ARHGAP28: variants seen among roughly 807,000 people sequenced by gnomAD.
The protein encoded by ARHGAP28 is rho GTPase-activating protein 28.
A neutral mutation model predicts 90.7 loss-of-function variants in ARHGAP28; 56 were observed. The ratio of observed to expected loss-of-function variants is 0.62; its 90% confidence interval spans 0.50 to 0.77. The LOEUF (loss-of-function observed/expected upper bound fraction) is 0.77, where lower values mean the gene tolerates loss of function less well. Ranked by LOEUF, ARHGAP28 falls within the 30% of genes least tolerant of loss-of-function variation. ARHGAP28 has a pLI of 0.00. For missense variants in ARHGAP28, 869 were observed against 900.9 expected, an observed-to-expected ratio of 0.96 and a Z score of 0.45; for synonymous variants, 308 against 323.3, an observed-to-expected ratio of 0.95 and a Z score of 0.51.
chr18:6,868,655 C>T (rs2057057259), intron 6 of ARHGAP28, among the ~76,000 whole-genome samples: 1 of 152,012 alleles, frequency 6.6e-6, no homozygotes, highest in South Asian at 2.1e-4. Flanking sequence ...TGCGCCTCTT[C>T]CGCTTGAGAG....
At chr18:6,891,132 T>C (rs767869024) in intron 14 of ARHGAP28, among the ~76,000 whole-genome samples, 1 of 152,320 alleles carries the variant, frequency 6.6e-6, no homozygotes, top group South Asian at 2.1e-4. Context: ...GTGGAGATAC[T>C]TGAAATTTAC....
At chr18:6,820,221 T>C (rs967108851) in intron 1 of ARHGAP28, among the ~76,000 whole-genome samples, 1 of 152,108 alleles carries the variant, frequency 6.6e-6, no homozygotes, top group African/African-American at 2.4e-5. Flanking sequence ...ACAGAGAAAC[T>C]GAATCTCTAA....
At chr18:6,819,548 G>A (rs1007433917) in intron 1 of ARHGAP28, among the ~76,000 whole-genome samples, 9 of 152,218 alleles carry the variant, frequency 5.9e-5, no homozygotes, top group Non-Finnish European at 1.3e-4. Context: ...GGGATGAGGA[G>A]ACACCAGTGG....
intron 1 of ARHGAP28, among the ~76,000 whole-genome samples, chr18:6,756,700 C>T (rs59113401): frequency 0.16 from 23,907 of 152,096 alleles, 2,033 homozygotes; most frequent in East Asian, 0.31. Flanking sequence ...TGGCTCAGTC[C>T]GAGCCCAAAA....
chr18:6,794,902 C>T (rs945896874), intron 1 of ARHGAP28, among the ~76,000 whole-genome samples: 2 of 152,016 alleles, frequency 1.3e-5, no homozygotes, highest in African/African-American at 2.4e-5. Context: ...AGGCTGGTCT[C>T]GAACTCCTGG....
In ARHGAP28 at chr18:6,908,949, A is replaced by T; in HGVS notation, c.2031-11A>T. The T allele has an allele frequency of 6.8e-7, 1 of 1,480,138 alleles. No individual in the cohort carries two copies. Among genetic ancestry groups the T allele is most frequent in the South Asian group, 1.2e-5 (1 of 83,992 alleles). The allele number at this position is 1,480,138 out of a possible 1,614,324, so 91.7% of individuals were successfully genotyped here. A position where few individuals can be genotyped will look rare whatever the true frequency, so the allele number is the denominator to read the frequency against. ...AGTACTAAAATTATATTATTTTCTC[A>T]TTTTTTTCAGTCATGGTTCATCAGA... On this transcript the variant is annotated splice_polypyrimidine_tract_variant and intron_variant, in intron 16 of 17. Coordinates refer to ENST00000383472, the MANE Select transcript of ARHGAP28 (RefSeq NM_001366230.1).
chr18:6,898,692 A>G (rs372363142), intron 16 of ARHGAP28: 100 of 1,411,854 alleles, frequency 7.1e-5, no homozygotes, highest in African/African-American at 7.0e-4. Flanking sequence ...TAGAAAGAAA[A>G]TGTTTCTAAT....
intron 2 of ARHGAP28, among the ~76,000 whole-genome samples, chr18:6,829,912 C>G (rs2143814590): frequency 6.6e-6 from 1 of 152,316 alleles, no homozygotes; most frequent in East Asian, 1.9e-4. Flanking sequence ...CAAGCTGGGC[C>G]ATGCTCTCCT....
intron 1 of ARHGAP28, among the ~76,000 whole-genome samples, chr18:6,750,777 A>T (rs1482637645): frequency 1.3e-5 from 2 of 152,152 alleles, no homozygotes; most frequent in African/African-American, 4.8e-5. Context: ...CTAAGGCTCT[A>T]CCTCCAAATA....
intron 1 of ARHGAP28, among the ~76,000 whole-genome samples, chr18:6,774,741 C>A (rs577469656): frequency 6.6e-6 from 1 of 152,190 alleles, no homozygotes; most frequent in Non-Finnish European, 1.5e-5. Flanking sequence ...CCAAGCCTTT[C>A]CTCCTGCTGT....
At chr18:6,856,796 A>G (rs2056957388) in intron 4 of ARHGAP28, among the ~76,000 whole-genome samples, 1 of 152,218 alleles carries the variant, frequency 6.6e-6, no homozygotes, top group Non-Finnish European at 1.5e-5. Context: ...ATCCTGGAGA[A>G]GCAAGCCCAG....
intron 1 of ARHGAP28, among the ~76,000 whole-genome samples, chr18:6,749,072 A>G (rs916196912): frequency 6.6e-6 from 1 of 152,246 alleles, no homozygotes; most frequent in African/African-American, 2.4e-5. Flanking sequence ...CAATATAATC[A>G]TAACAACATT....
chr18:6,867,330 G>T (rs968737875), intron 5 of ARHGAP28, among the ~76,000 whole-genome samples: 11 of 152,126 alleles, frequency 7.2e-5, no homozygotes, highest in Non-Finnish European at 1.6e-4. Flanking sequence ...CAGGCTCTGG[G>T]GGAAAACATT....
Position 6,870,570 on chromosome 18 carries a change from A to G in ARHGAP28, c.812-20A>G, listed in dbSNP as rs1288536289. 2.5e-6 allele frequency: 4 copies of G among 1,589,942 alleles called. No homozygotes were observed. The highest frequency in any genetic ancestry group is 3.5e-5 in the Admixed American group (2 of 56,760). ...TTAAATAGCATATTAAATAGTCTGTATTCTTTGTTTTGTCTTTAGATGATG... is the reference window on the plus strand; with the variant it reads ...TTAAATAGCATATTAAATAGTCTGTGTTCTTTGTTTTGTCTTTAGATGATG... On this transcript the variant is annotated intron_variant, in intron 6 of 17. Transcript: ENST00000383472.
At chr18:6,746,987 G>A (rs892230884) in intron 1 of ARHGAP28, among the ~76,000 whole-genome samples, 2 of 151,630 alleles carry the variant, frequency 1.3e-5, no homozygotes, top group African/African-American at 4.8e-5. Flanking sequence ...ATATATGTAT[G>A]ATGAATGAAT....
chr18:6,854,871 C>A (rs4536541), intron 4 of ARHGAP28, among the ~76,000 whole-genome samples: 28,476 of 152,176 alleles, frequency 0.19, 4,580 homozygotes, highest in African/African-American at 0.42. Context: ...GGCCTCTCCC[C>A]GCTCCTGGCT....
chr18:6,810,072 C>G (rs1158149242), intron 1 of ARHGAP28, among the ~76,000 whole-genome samples: 1 of 152,134 alleles, frequency 6.6e-6, no homozygotes, highest in Non-Finnish European at 1.5e-5. Context: ...TTTTTGCTAT[C>G]AAGCCAAAAT....
intron 1 of ARHGAP28, among the ~76,000 whole-genome samples, chr18:6,806,651 C>A (rs1009797912): frequency 1.3e-5 from 2 of 151,954 alleles, no homozygotes; most frequent in Admixed American, 6.6e-5. Flanking sequence ...ATTTTAAGGA[C>A]ATTTAAGTAA....
chr18:6,861,581 A>G (rs2056999047), intron 5 of ARHGAP28, among the ~76,000 whole-genome samples: 1 of 152,164 alleles, frequency 6.6e-6, no homozygotes, highest in African/African-American at 2.4e-5. Context: ...TACAAGCAGC[A>G]GCACAGGACT....
Sources: gnomAD v4.1 joint callset for allele counts (sites outside exome capture counted in the v4.1 genomes callset) on GRCh38, gnomAD v4.1.1 for gene constraint, MANE v1.5 for transcripts, NCBI Gene and HGNC (gene_info 2026-07-23, HGNC 2026-07-21) for gene names.